The following CHLSN variants were observed in gnomAD, a reference collection of about 807,000 sequenced individuals.
CHLSN encodes protein cholesin.
At chr7:1,022,163 G>A in the CHLSN span, among the ~76,000 whole-genome samples, 3 of 152,220 alleles carry the variant, frequency 2.0e-5, no homozygotes, top group Non-Finnish European at 2.9e-5. Context: ...AGCCACGGTG[G>A]TGACGGCAGC....
At chr7:1,099,568 G>C in the CHLSN span, among the ~76,000 whole-genome samples, 1 of 152,346 alleles carries the variant, frequency 6.6e-6, no homozygotes, top group South Asian at 2.1e-4. Flanking sequence ...CTCATTACCT[G>C]GAGTGTCTTT....
chr7:1,028,725 T>A, the CHLSN span: 3 of 476,454 alleles, frequency 6.3e-6, no homozygotes, highest in Non-Finnish European at 5.1e-6. Context: ...TCTCCCCCAA[T>A]CTGCCCCCAT....
the CHLSN span, chr7:1,024,705 C>T: frequency 6.6e-6 from 1 of 152,322 alleles, no homozygotes; most frequent in South Asian, 2.1e-4. Flanking sequence ...CCAGACAGCG[C>T]TGCTGGCCTG....
the CHLSN span, among the ~76,000 whole-genome samples, chr7:1,011,066 C>A: frequency 2.0e-5 from 3 of 148,334 alleles, no homozygotes; most frequent in South Asian, 6.5e-4. Context: ...ATGCAACCCA[C>A]CCCCCCGACA....
chr7:993,503 A>G, the CHLSN span, among the ~76,000 whole-genome samples: 1 of 152,140 alleles, frequency 6.6e-6, no homozygotes, highest in South Asian at 2.1e-4. Context: ...CTGGGCACCG[A>G]GTCATCCAGA....
chr7:1,123,853 C>A, the CHLSN span, among the ~76,000 whole-genome samples: 4 of 152,030 alleles, frequency 2.6e-5, no homozygotes, highest in Non-Finnish European at 4.4e-5. This position sits in a 1 kb window ranked among gnomAD's most constrained non-coding sequence, Gnocchi z 4.4. Flanking sequence ...TGCTGCCGAC[C>A]CCTGCTGGTG....
chr7:1,001,718 TTA>T, the CHLSN span, among the ~76,000 whole-genome samples: 84 of 63,420 alleles, frequency 1.3e-3, no homozygotes, highest in African/African-American at 2.3e-3. Flanking sequence ...GTCCTGTGGG[TTA>T]GTGGAGTCCT....
chr7:990,878 T>C, the CHLSN span, among the ~76,000 whole-genome samples: 8 of 151,940 alleles, frequency 5.3e-5, no homozygotes, highest in African/African-American at 1.9e-4. Context: ...TGCGGAACAT[T>C]CCAGGGCAGG....
chr7:984,561 C>G, the CHLSN span: 8 of 1,561,878 alleles, frequency 5.1e-6, no homozygotes, highest in Non-Finnish European at 6.9e-6. Context: ...TCCAGCTCAT[C>G]CAGCGAGGTG....
the CHLSN span, among the ~76,000 whole-genome samples, chr7:991,496 G>T: frequency 5.3e-5 from 8 of 152,262 alleles, no homozygotes; most frequent in South Asian, 4.2e-4. Flanking sequence ...GGAAGGGGGG[G>T]GCCGAGTGAG....
chr7:1,039,037 C>T, the CHLSN span, among the ~76,000 whole-genome samples: 26 of 74,804 alleles, frequency 3.5e-4, no homozygotes, highest in African/African-American at 8.9e-4. Context: ...CCCGGCCAGC[C>T]GCCCCGTCCG....
the CHLSN span, chr7:988,608 C>A: frequency 1.9e-6 from 3 of 1,603,606 alleles, no homozygotes; most frequent in Admixed American, 3.3e-5. Flanking sequence ...TGGTGCAGCC[C>A]ACTCTGTGCC....
chr7:1,002,681 T>G, the CHLSN span, among the ~76,000 whole-genome samples: 2 of 72,926 alleles, frequency 2.7e-5, no homozygotes, highest in Non-Finnish European at 5.1e-5. Flanking sequence ...GTGAGTGGAG[T>G]CCTGCGGGTG....
chr7:1,047,196 G>T, the CHLSN span, among the ~76,000 whole-genome samples: 134 of 152,304 alleles, frequency 8.8e-4, no homozygotes, highest in African/African-American at 3.1e-3. Context: ...ATAGCTGCAG[G>T]CACAGGTGCC....
chr7:1,119,733 T>G, the CHLSN span, among the ~76,000 whole-genome samples: 1 of 152,144 alleles, frequency 6.6e-6, no homozygotes, highest in South Asian at 2.1e-4. Flanking sequence ...CAAAATTAGC[T>G]GGGCGTGGTG....
chr7:1,048,050 C>A, the CHLSN span, among the ~76,000 whole-genome samples: 1 of 151,906 alleles, frequency 6.6e-6, no homozygotes, highest in Non-Finnish European at 1.5e-5. Flanking sequence ...CAAAGACTGG[C>A]GGAGGGGTGT....
At chr7:1,014,508 G>A in the CHLSN span, among the ~76,000 whole-genome samples, 1 of 152,240 alleles carries the variant, frequency 6.6e-6, no homozygotes, top group Non-Finnish European at 1.5e-5. Context: ...ACAACACACT[G>A]GCTCTTCCTG....
chr7:1,040,566 A>C, the CHLSN span, among the ~76,000 whole-genome samples: 4 of 152,252 alleles, frequency 2.6e-5, no homozygotes. Flanking sequence ...TCATCTATTT[A>C]AATGTCAAAT....
At chr7:1,116,170 CA>C in the CHLSN span, among the ~76,000 whole-genome samples, 1 of 137,832 alleles carries the variant, frequency 7.3e-6, no homozygotes, top group Non-Finnish European at 1.6e-5. Context: ...CTTCCATCAC[CA>C]ACGCCCACGC....
Sources: gnomAD v4.1 joint callset for allele counts (sites outside exome capture counted in the v4.1 genomes callset) on GRCh38, gnomAD v4.1.1 for gene constraint, Gnocchi (gnomAD v3.1) non-coding constraint, MANE v1.5 for transcripts, NCBI Gene and HGNC (gene_info 2026-07-23, HGNC 2026-07-21) for gene names.